PRMT8: variants seen among roughly 807,000 people sequenced by gnomAD.
PRMT8 encodes protein arginine methyltransferase 8.
A neutral mutation model predicts 47.1 loss-of-function variants in PRMT8; 7 were observed. That is an observed-to-expected ratio of 0.15 (90% CI 0.08 to 0.28). PRMT8 has a LOEUF of 0.28. Ranked by LOEUF, PRMT8 falls within the 10% of genes least tolerant of loss-of-function variation. The pLI is 1.00. For synonymous variants in PRMT8, 188 were observed against 186.5 expected, an observed-to-expected ratio of 1.01 and a Z score of -0.07; for missense variants, 237 against 505.4, an observed-to-expected ratio of 0.47 and a Z score of 5.09.
intron 8 of PRMT8, among the ~76,000 whole-genome samples, chr12:3,586,297 G>A (rs1268194774): frequency 1.3e-5 from 2 of 152,122 alleles, no homozygotes; most frequent in East Asian, 1.9e-4. Context: ...GAAAGATGGC[G>A]AGGATTTGCC....
At chr12:3,439,169 A>G (rs1257788684) in intron 1 of PRMT8, among the ~76,000 whole-genome samples, 4 of 152,260 alleles carry the variant, frequency 2.6e-5, no homozygotes, top group Non-Finnish European at 5.9e-5. Flanking sequence ...TGACCTAGAT[A>G]ATAAAAGCAG....
intron 1 of PRMT8, among the ~76,000 whole-genome samples, chr12:3,425,548 A>T (rs1008214351): frequency 6.6e-6 from 1 of 152,242 alleles, no homozygotes; most frequent in Non-Finnish European, 1.5e-5. Flanking sequence ...CTTTTAACTC[A>T]TGAAAAGCTC....
At chr12:3,448,957 A>G (rs1229863013) in intron 1 of PRMT8, among the ~76,000 whole-genome samples, 1 of 152,030 alleles carries the variant, frequency 6.6e-6, no homozygotes, top group African/African-American at 2.4e-5. Context: ...CTCATTGTTC[A>G]GCTCCCACTT....
chr12:3,529,605 T>C (rs1865997815), intron 1 of PRMT8, among the ~76,000 whole-genome samples: 1 of 152,180 alleles, frequency 6.6e-6, no homozygotes, highest in South Asian at 2.1e-4. Context: ...GGAAATATAA[T>C]CATTTGGAGT....
At chr12:3,510,854 T>A (rs1190430053) in intron 1 of PRMT8, among the ~76,000 whole-genome samples, 1 of 152,244 alleles carries the variant, frequency 6.6e-6, no homozygotes, top group East Asian at 1.9e-4. Flanking sequence ...GGACCTATCC[T>A]GAGCCCCAAG....
intron 1 of PRMT8, among the ~76,000 whole-genome samples, chr12:3,534,361 CAG>C (rs1357383708): frequency 1.3e-5 from 2 of 152,228 alleles, no homozygotes; most frequent in African/African-American, 2.4e-5. Flanking sequence ...CTGCCTGGTG[CAG>C]AGAGTGCTGG....
rs1398983878 is a variant in PRMT8 at position 3,493,539 on chromosome 12, C to T, written c.75+1839C>T. Among the ~76,000 whole-genome samples, 1 of 152,098 alleles carries T rather than the reference C, an allele frequency of 6.6e-6. No individual in the cohort carries two copies. Among genetic ancestry groups the T allele is most frequent in the Non-Finnish European group, 1.5e-5 (1 of 68,038 alleles). On this transcript the variant is annotated intron_variant, in intron 1 of 9. Transcript: ENST00000382622. This position sits in a 1 kb window ranked among gnomAD's most constrained non-coding sequence, Gnocchi z 8.2. ...TTTTGCGGTTCCCTTTGCCTCCTAC[C>T]CCCGCTGCCGCGCGGGGTCTGGGTG...
At chr12:3,474,956 C>T (rs1048410065) in intron 1 of PRMT8, among the ~76,000 whole-genome samples, 1 of 152,184 alleles carries the variant, frequency 6.6e-6, no homozygotes, top group Non-Finnish European at 1.5e-5. Flanking sequence ...CTCATTGTTT[C>T]TTGGTTATTG....
chr12:3,530,078 A>G (rs1328560277), intron 1 of PRMT8, among the ~76,000 whole-genome samples: 1 of 152,200 alleles, frequency 6.6e-6, no homozygotes, highest in Non-Finnish European at 1.5e-5. Context: ...AGGAGATAAG[A>G]CACTTCTTGG....
At chr12:3,420,523 C>T (rs997514701) in intron 1 of PRMT8, among the ~76,000 whole-genome samples, 2 of 152,104 alleles carry the variant, frequency 1.3e-5, no homozygotes, top group African/African-American at 2.4e-5. Flanking sequence ...TGACAGCCTC[C>T]CAGCAGTGAG....
At chr12:3,573,506 A>G (rs183374028) in intron 6 of PRMT8, among the ~76,000 whole-genome samples, 144 of 152,294 alleles carry the variant, frequency 9.5e-4, no homozygotes, top group Middle Eastern at 6.8e-3. Flanking sequence ...TTATGATGAT[A>G]AGTCATATTT....
At chr12:3,523,648 C>T (rs1041450844) in intron 1 of PRMT8, among the ~76,000 whole-genome samples, 1 of 152,208 alleles carries the variant, frequency 6.6e-6, no homozygotes, top group African/African-American at 2.4e-5. Context: ...GCGACTGTTA[C>T]GCATGGTCTG....
chr12:3,563,547 C>T (rs1280758568), intron 4 of PRMT8, among the ~76,000 whole-genome samples: 3 of 151,232 alleles, frequency 2.0e-5, no homozygotes, highest in African/African-American at 7.3e-5. Flanking sequence ...TCACTCCTGA[C>T]CAGCCGCAGG....
At chr12:3,545,507 C>T (rs562216211) in intron 2 of PRMT8, among the ~76,000 whole-genome samples, 10 of 152,338 alleles carry the variant, frequency 6.6e-5, no homozygotes, top group Admixed American at 5.9e-4. Flanking sequence ...GATATCAGCC[C>T]TGGGGCAGCA....
intron 1 of PRMT8, among the ~76,000 whole-genome samples, chr12:3,483,754 A>C (rs1216051940): frequency 6.6e-6 from 1 of 152,254 alleles, no homozygotes; most frequent in African/African-American, 2.4e-5. Flanking sequence ...AAAAATACAT[A>C]ATACATACAA....
chr12:3,546,324 G>A (rs1202494903), intron 2 of PRMT8, among the ~76,000 whole-genome samples: 6 of 152,240 alleles, frequency 3.9e-5, no homozygotes, highest in African/African-American at 1.4e-4. Context: ...TTGAAGAAAG[G>A]AAATAATTAA....
chr12:3,520,549 A>G (rs1824153845), intron 1 of PRMT8, among the ~76,000 whole-genome samples: 3 of 152,272 alleles, frequency 2.0e-5, no homozygotes, highest in South Asian at 2.1e-4. Flanking sequence ...ATATCATAAA[A>G]TATCAAACTA....
At chr12:3,435,929 G>A (rs538875214) in intron 1 of PRMT8, among the ~76,000 whole-genome samples, 182 of 152,294 alleles carry the variant, frequency 1.2e-3, no homozygotes, top group Non-Finnish European at 1.9e-3. Flanking sequence ...ATAGGATACC[G>A]AGGGATTGGT....
intron 1 of PRMT8, among the ~76,000 whole-genome samples, chr12:3,404,267 C>T (rs926805895): frequency 7.9e-5 from 12 of 152,078 alleles, no homozygotes; most frequent in Admixed American, 7.9e-4. Flanking sequence ...TTATAATTTA[C>T]AAACATTTTA....
Sources: gnomAD v4.1 joint callset for allele counts (sites outside exome capture counted in the v4.1 genomes callset) on GRCh38, gnomAD v4.1.1 for gene constraint, Gnocchi (gnomAD v3.1) non-coding constraint, MANE v1.5 for transcripts, NCBI Gene and HGNC (gene_info 2026-07-23, HGNC 2026-07-21) for gene names.